MGAT4C: variants seen among roughly 807,000 people sequenced by gnomAD.
The protein encoded by MGAT4C is alpha-1,3-mannosyl-glycoprotein 4-beta-N-acetylglucosaminyltransferase C.
MGAT4C carries 19 observed loss-of-function variants against 40.1 expected under a neutral mutation model. That is an observed-to-expected ratio of 0.47 (90% CI 0.33 to 0.70). The LOEUF (loss-of-function observed/expected upper bound fraction) is 0.70. Ranked by LOEUF, MGAT4C falls within the 30% of genes least tolerant of loss-of-function variation. The pLI is 0.02. For missense variants in MGAT4C, 491 were observed against 563.2 expected, an observed-to-expected ratio of 0.87 and a Z score of 1.30; for synonymous variants, 181 against 187.1, an observed-to-expected ratio of 0.97 and a Z score of 0.27.
At chr12:86,424,784 T>C (rs1332835609) in intron 3 of MGAT4C, among the ~76,000 whole-genome samples, 1 of 152,144 alleles carries the variant, frequency 6.6e-6, no homozygotes, top group Admixed American at 6.5e-5. Context: ...TTAGACAGAA[T>C]CTCACTCTGA....
At chr12:86,805,544 GT>G (rs1165300722) in intron 1 of MGAT4C, among the ~76,000 whole-genome samples, 1 of 151,784 alleles carries the variant, frequency 6.6e-6, no homozygotes, top group Non-Finnish European at 1.5e-5. Context: ...AAAGGGCATA[GT>G]TTTTTTCTTT....
At chr12:86,021,243 T>C (rs888492412) in intron 2 of MGAT4C, among the ~76,000 whole-genome samples, 1 of 152,158 alleles carries the variant, frequency 6.6e-6, no homozygotes, top group African/African-American at 2.4e-5. Context: ...ACTGGGTATA[T>C]ACCCAAAGGA....
intron 1 of MGAT4C, among the ~76,000 whole-genome samples, chr12:86,098,106 CAA>C (rs1465455089): frequency 6.6e-6 from 1 of 151,600 alleles, no homozygotes; most frequent in Non-Finnish European, 1.5e-5. Context: ...TTCCTGTACT[CAA>C]GTCATATTAT....
chr12:86,669,124 T>C (rs1412160387), intron 2 of MGAT4C, among the ~76,000 whole-genome samples: 4 of 152,002 alleles, frequency 2.6e-5, no homozygotes, highest in African/African-American at 9.7e-5. Flanking sequence ...TATGCCCAGG[T>C]AGATCTCCAG....
intron 2 of MGAT4C, among the ~76,000 whole-genome samples, chr12:86,500,097 AT>A (rs1344071760): frequency 6.6e-6 from 1 of 150,856 alleles, no homozygotes; most frequent in East Asian, 1.9e-4. Context: ...TGAAAAAAAA[AT>A]TGCTGAATTC....
chr12:86,272,985 A>G (rs1952987001), intron 4 of MGAT4C, among the ~76,000 whole-genome samples: 1 of 152,192 alleles, frequency 6.6e-6, no homozygotes, highest in Admixed American at 6.5e-5. Flanking sequence ...CTCTTTTTTA[A>G]TATTAATGAA....
At chr12:86,346,004 G>A (rs1955024579) in intron 3 of MGAT4C, among the ~76,000 whole-genome samples, 2 of 152,184 alleles carry the variant, frequency 1.3e-5, no homozygotes, top group African/African-American at 4.8e-5. Flanking sequence ...CTGATGGCCA[G>A]TGATGATTTT....
intron 2 of MGAT4C, among the ~76,000 whole-genome samples, chr12:86,716,122 C>T (rs1168999099): frequency 6.6e-6 from 1 of 151,968 alleles, no homozygotes; most frequent in Non-Finnish European, 1.5e-5. Flanking sequence ...CACTGGTTTT[C>T]CAAAAGATAC....
At chr12:86,336,075 T>G (rs886755980) in intron 3 of MGAT4C, among the ~76,000 whole-genome samples, 4 of 152,168 alleles carry the variant, frequency 2.6e-5, no homozygotes, top group Non-Finnish European at 5.9e-5. Context: ...CTTTGCCACC[T>G]CCCTGGCATA....
intron 2 of MGAT4C, among the ~76,000 whole-genome samples, chr12:86,482,926 T>C (rs1473715169): frequency 1.3e-5 from 2 of 152,244 alleles, no homozygotes; most frequent in African/African-American, 2.4e-5. Flanking sequence ...TTAATGCTAA[T>C]ATTTCTTTCT....
At chr12:86,554,104 C>A (rs572866892) in intron 2 of MGAT4C, among the ~76,000 whole-genome samples, 1 of 140,898 alleles carries the variant, frequency 7.1e-6, no homozygotes, top group African/African-American at 2.7e-5. Flanking sequence ...ATATTAAAAA[C>A]ACACAGCACG....
At chr12:86,302,672 A>C (rs1592671079) in intron 4 of MGAT4C, among the ~76,000 whole-genome samples, 1 of 150,432 alleles carries the variant, frequency 6.6e-6, no homozygotes, top group Non-Finnish European at 1.5e-5. Context: ...CATGTGATCC[A>C]CCTGCCTTGG....
At chr12:86,220,968 A>G (rs1193702222) in intron 1 of MGAT4C, among the ~76,000 whole-genome samples, 1 of 152,182 alleles carries the variant, frequency 6.6e-6, no homozygotes, top group Non-Finnish European at 1.5e-5. Flanking sequence ...GATGCCCAAC[A>G]AACCTATTTA....
chr12:86,360,908 T>C (rs1319239223), intron 3 of MGAT4C, among the ~76,000 whole-genome samples: 2 of 152,212 alleles, frequency 1.3e-5, no homozygotes, highest in African/African-American at 4.8e-5. Flanking sequence ...ATGGTCATAC[T>C]GCCCAAGGTA....
intron 1 of MGAT4C, among the ~76,000 whole-genome samples, chr12:86,804,440 ATAAAT>A (rs1378912047): frequency 6.7e-6 from 1 of 149,172 alleles, no homozygotes; most frequent in Non-Finnish European, 1.5e-5. Context: ...AATAAAATAA[ATAAAT>A]AAAGAAAGAA....
At chr12:86,470,049 C>G (rs1957736651) in intron 2 of MGAT4C, among the ~76,000 whole-genome samples, 1 of 152,074 alleles carries the variant, frequency 6.6e-6, no homozygotes, top group Non-Finnish European at 1.5e-5. Flanking sequence ...GTATACACCA[C>G]ATTTTATTTA....
chr12:85,996,079 A>G (rs1886592670), intron 2 of MGAT4C, among the ~76,000 whole-genome samples: 1 of 152,172 alleles, frequency 6.6e-6, no homozygotes, highest in Non-Finnish European at 1.5e-5. Context: ...AAAAATCACA[A>G]TATCCAGGAT....
chr12:86,784,108 C>T (rs1174080658), intron 1 of MGAT4C, among the ~76,000 whole-genome samples: 3 of 152,024 alleles, frequency 2.0e-5, no homozygotes, highest in African/African-American at 7.2e-5. Context: ...CCTGATGGTG[C>T]CTAACTGATT....
At chr12:86,693,575 C>T (rs527570340) in intron 2 of MGAT4C, among the ~76,000 whole-genome samples, 6 of 152,084 alleles carry the variant, frequency 3.9e-5, no homozygotes, top group African/African-American at 1.4e-4. Flanking sequence ...GCAAATACTT[C>T]ATTTGGTATA....
Sources: gnomAD v4.1 joint callset for allele counts (sites outside exome capture counted in the v4.1 genomes callset) on GRCh38, gnomAD v4.1.1 for gene constraint, MANE v1.5 for transcripts, NCBI Gene and HGNC (gene_info 2026-07-23, HGNC 2026-07-21) for gene names.